HLA-DPA1: variants seen among roughly 807,000 people sequenced by gnomAD.
The protein encoded by HLA-DPA1 is major histocompatibility complex, class II, DP alpha 1, also known as HLA class II histocompatibility antigen, DP alpha 1 chain.
In HLA-DPA1, 20 loss-of-function variants were observed where a neutral mutation model predicts 21.5. The ratio of observed to expected loss-of-function variants is 0.93; its 90% CI spans 0.66 to 1.35. The LOEUF (loss-of-function observed/expected upper bound fraction) is 1.35, where lower values mean the gene tolerates loss of function less well. HLA-DPA1 is among the 40% of genes most tolerant of loss of function. HLA-DPA1 has a pLI of 0.00. For synonymous variants in HLA-DPA1, 123 were observed against 129.6 expected (o/e 0.95, Z 0.35); for missense variants, 279 against 323.0 (o/e 0.86, Z 1.05).
chr6:33,072,434 C>T (rs1294599310), intron 2 of HLA-DPA1, among the ~76,000 whole-genome samples: 4 of 152,214 alleles, frequency 2.6e-5, no homozygotes, highest in Non-Finnish European at 5.9e-5. Flanking sequence ...CCTGAAGAGA[C>T]AGCTGAGCTC....
rs1762148908 is a variant in HLA-DPA1, at chr6:33,069,515, C to G, written c.346+126G>C. On this transcript the variant is annotated intron_variant, in intron 3 of 5. Coordinates refer to ENST00000419277, the Ensembl canonical transcript of HLA-DPA1. ...AGCCCTTGCTGTAGTGGGATCAGCCCATGGCCACTAGGGGAAGAGGATCAC... is the reference window on the plus strand; with the variant it reads ...AGCCCTTGCTGTAGTGGGATCAGCCGATGGCCACTAGGGGAAGAGGATCAC... 6.3e-6 allele frequency: 8 copies of G among 1,260,396 alleles called. No homozygotes were observed. In the East Asian group the frequency reaches 1.9e-4, roughly 30 times the overall value. 78.1% of individuals were successfully genotyped at this position (1,260,396 alleles called of 1,614,324 possible). A position where few individuals can be genotyped will look rare whatever the true frequency, so the allele number is the denominator to read the frequency against.
upstream of HLA-DPA1, chr6:33,080,731 C>T (rs1172051426): frequency 1.9e-6 from 3 of 1,613,584 alleles, no homozygotes; most frequent in Non-Finnish European, 2.5e-6. This position sits in a 1 kb window ranked among gnomAD's most constrained non-coding sequence, Gnocchi z 4.3. Context: ...ACAGCGCTTC[C>T]TGGAGAGATA....
At chr6:33,070,089 A>G (rs73739675) in intron 2 of HLA-DPA1, among the ~76,000 whole-genome samples, 37,649 of 152,070 alleles carry the variant, frequency 0.25, 5,838 homozygotes, top group East Asian at 0.69. Context: ...AGAAAGGAGC[A>G]AAGAACAAAA....
intron 5 of HLA-DPA1, chr6:33,068,347 G>T: frequency 3.5e-6 from 1 of 284,152 alleles, no homozygotes; most frequent in East Asian, 7.1e-5. Flanking sequence ...CTTGATCAAA[G>T]TGCTTAAAGT....
At position 33,072,290 on chromosome 6, in the gene HLA-DPA1, G is replaced by A. The variant is rs554801865; in HGVS notation, c.100+1181C>T. Among the ~76,000 whole-genome samples, 5 of 152,308 alleles carry A rather than the reference G, an allele frequency of 3.3e-5. No individual in the cohort carries two copies. The South Asian group carries it at 8.3e-4, about 25-fold the overall frequency. The stretch of plus-strand genomic sequence containing the variant: ...AGACAAGTCAGAAGCTTAGCTCCAC[G>A]TGTGAGGACACAAAGAAAGTGTCTC... On this transcript the variant is annotated intron_variant, in intron 2 of 5. Transcript: ENST00000419277.
chr6:33,066,970 C>T (rs1761988105), intron 5 of HLA-DPA1: 1 of 152,186 alleles, frequency 6.6e-6, no homozygotes. Context: ...AAAGGAAGTT[C>T]AGATGAGTAC....
At chr6:33,080,744 T>C, upstream of HLA-DPA1, 1 of 1,613,320 alleles carries the variant, frequency 6.2e-7, no homozygotes, top group Non-Finnish European at 8.5e-7. The surrounding 1 kb of genome is among the most constrained non-coding windows in gnomAD (Gnocchi z 4.3). Flanking sequence ...GAGAGATACA[T>C]CTACAACCGG....
chr6:33,069,770 C>T (rs758878095), exon 3 of HLA-DPA1: 31 of 1,612,444 alleles, frequency 1.9e-5, no homozygotes, highest in South Asian at 1.5e-4. Flanking sequence ...AGATGCCAGA[C>T]GGTCTCCTTC....
chr6:33,073,460 TG>T lies in HLA-DPA1; in HGVS notation c.100+10del, dbSNP rs527521812. ...TCACCCCGACGCTCCTGCGTCCTCC[TG>T]AGCACTCACCCTTGATGGCCCCAGC... On this transcript the variant is annotated intron_variant, in intron 2 of 5. Transcript: ENST00000419277. 3,632 of 1,593,418 alleles carry T rather than the reference TG, an allele frequency of 2.3e-3. 7 individuals are homozygous for T. Among genetic ancestry groups the T allele is most frequent in the African/African-American group, 3.9e-3 (290 of 74,632 alleles).
chr6:33,075,842 TACTA>T, intron 1 of HLA-DPA1: 1 of 567,150 alleles, frequency 1.8e-6, no homozygotes, highest in Non-Finnish European at 3.1e-6. Context: ...AGACCTTTCA[TACTA>T]ACTTTCTGCC....
Position 33,075,077 on chromosome 6 carries a change from T to C in HLA-DPA1, c.-99-1408A>G, listed in dbSNP as rs114843584. 7.1e-3 allele frequency among the ~76,000 whole-genome samples: 1,081 copies of C among 152,324 alleles called. 12 individuals carry two copies. The highest frequency in any genetic ancestry group is 0.024 in the African/African-American group (983 of 41,564). ...GTAAGAAGTAATGTTCTTTGAAAGT[T>C]TGTAAAAATATTCACTCTAAACAAA... On this transcript the variant is annotated intron_variant, in intron 1 of 5. Transcript: ENST00000419277.
intron 5 of HLA-DPA1, chr6:33,068,345 A>G: frequency 3.6e-6 from 1 of 278,942 alleles, no homozygotes; most frequent in Non-Finnish European, 6.6e-6. Flanking sequence ...AACTTGATCA[A>G]AGTGCTTAAA....
rs1168908563 is a variant in HLA-DPA1, at chr6:33,080,269, C to G, written c.-100+411G>C. On this transcript the variant is annotated intron_variant, in intron 1 of 5. Transcript: ENST00000419277. This position sits in a 1 kb window ranked among gnomAD's most constrained non-coding sequence, Gnocchi z 4.3. ...AGGACTGACATCAGGATGGAAATGT[C>G]AGTCAGGGAGTTAAGTAGGGGGAGC... 3 of 372,780 alleles carry G rather than the reference C, an allele frequency of 8.0e-6. No homozygotes were observed. The highest frequency in any genetic ancestry group is 6.4e-5 in the African/African-American group (3 of 47,224). 23.1% of individuals were successfully genotyped at this position (372,780 alleles called of 1,614,324 possible).
At chr6:33,069,541 A>C in intron 3 of HLA-DPA1, 100 bp downstream of exon 2, 1 of 1,432,250 alleles carries the variant, frequency 7.0e-7, no homozygotes, top group Non-Finnish European at 9.7e-7. Context: ...AGAGGATCAC[A>C]CAGCAGGGGG....
At chr6:33,066,005 T>C (rs1761937926) in intron 5 of HLA-DPA1, 1 of 152,212 alleles carries the variant, frequency 6.6e-6, no homozygotes, top group African/African-American at 2.4e-5. Flanking sequence ...ACTGAGTTCT[T>C]TTGGTATCCC....
At chr6:33,070,023 G>C in intron 2 of HLA-DPA1, 137 bp from the exon 2 acceptor site, 1 of 716,500 alleles carries the variant, frequency 1.4e-6, no homozygotes. Flanking sequence ...ATATGGGGAA[G>C]AAGAAGGAGC....
chr6:33,076,873 G>C (rs1025801893), intron 1 of HLA-DPA1, among the ~76,000 whole-genome samples: 1 of 151,854 alleles, frequency 6.6e-6, no homozygotes, highest in Non-Finnish European at 1.5e-5. Context: ...TAATATTATG[G>C]CATCTATGAT....
exon 5 of HLA-DPA1, chr6:33,068,674 G>C: frequency 6.2e-7 from 1 of 1,612,798 alleles, no homozygotes; most frequent in Non-Finnish European, 8.5e-7. Flanking sequence ...GGGCCCGGGG[G>C]TCATGGCCAG....
At chr6:33,068,456 A>G (rs67516795) in intron 5 of HLA-DPA1, 182 bp downstream of exon 4, 119,162 of 524,864 alleles carry the variant, frequency 0.23, 19,785 homozygotes, top group East Asian at 0.62. Context: ...GTGAGTTAAT[A>G]AATGTAAATC....
Sources: allele counts gnomAD v4.1 joint callset (sites outside exome capture counted in the v4.1 genomes callset), GRCh38; gene constraint gnomAD v4.1.1; non-coding constraint Gnocchi (gnomAD v3.1); transcripts MANE v1.5; gene names NCBI Gene and HGNC (gene_info 2026-07-23, HGNC 2026-07-21).